Variants in ADARB2 observed in about 807,000 individuals in gnomAD.
ADARB2 encodes the protein inactive double-stranded RNA-specific editase B2.
A neutral mutation model predicts 62.2 loss-of-function variants in ADARB2; 25 were observed. The observed-to-expected ratio is 0.40, with a 90% CI of 0.29 to 0.56. The LOEUF is 0.56. Ranked by LOEUF, ADARB2 falls within the 20% of genes least tolerant of loss-of-function variation. The pLI, the probability that ADARB2 is intolerant of heterozygous loss-of-function variation, is 0.43. For synonymous variants in ADARB2, 572 were observed against 500.8 expected (o/e 1.14, Z -1.90); for missense variants, 1,071 against 1,077.4 (o/e 0.99, Z 0.08).
At chr10:1,208,620 G>T (rs1437279812) in intron 7 of ADARB2, among the ~76,000 whole-genome samples, 1 of 152,230 alleles carries the variant, frequency 6.6e-6, no homozygotes, top group Non-Finnish European at 1.5e-5. Flanking sequence ...TCCTCTCATG[G>T]CCTGGACCCC....
At chr10:1,500,646 A>G (rs933193413) in intron 1 of ADARB2, among the ~76,000 whole-genome samples, 1 of 152,234 alleles carries the variant, frequency 6.6e-6, no homozygotes, top group Non-Finnish European at 1.5e-5. Context: ...GGGCGATAAA[A>G]GAGAGGTAAA....
chr10:1,478,362 A>G (rs1831427497), intron 1 of ADARB2, among the ~76,000 whole-genome samples: 1 of 152,208 alleles, frequency 6.6e-6, no homozygotes, highest in African/African-American at 2.4e-5. Flanking sequence ...GGATATAAGT[A>G]GAGTCATGAG....
intron 1 of ADARB2, among the ~76,000 whole-genome samples, chr10:1,729,177 G>A (rs1352917584): frequency 6.6e-6 from 1 of 152,178 alleles, no homozygotes. Flanking sequence ...CTTTGTGTCT[G>A]TGGTTAAATT....
chr10:1,648,422 C>T (rs536579686), intron 1 of ADARB2, among the ~76,000 whole-genome samples: 1 of 152,190 alleles, frequency 6.6e-6, no homozygotes, highest in African/African-American at 2.4e-5. Context: ...GGAATGAACT[C>T]GAGCTGGCTC....
intron 1 of ADARB2, among the ~76,000 whole-genome samples, chr10:1,667,787 G>C (rs542659939): frequency 2.5e-4 from 38 of 152,278 alleles, no homozygotes; most frequent in African/African-American, 7.2e-4. Context: ...GAATGCAGTG[G>C]TAAAATTCTG....
chr10:1,511,355 A>G (rs957954146), intron 1 of ADARB2, among the ~76,000 whole-genome samples: 4 of 152,336 alleles, frequency 2.6e-5, no homozygotes, highest in Admixed American at 2.0e-4. Flanking sequence ...CTGGAATTCA[A>G]CAGTAAACAG....
chr10:1,470,499 A>G (rs1469965000), intron 1 of ADARB2, among the ~76,000 whole-genome samples: 1 of 152,218 alleles, frequency 6.6e-6, no homozygotes, highest in Admixed American at 6.5e-5. Flanking sequence ...AAAATTGGCA[A>G]CTCAAAACCA....
Position 1,737,160 on chromosome 10 carries a change from C to T in ADARB2, c.-10G>A. 1 of 1,604,556 alleles carries T rather than the reference C, an allele frequency of 6.2e-7. No homozygotes were observed. The highest frequency in any genetic ancestry group is 8.5e-7 in the Non-Finnish European group (1 of 1,179,778). ...CCAGGACCGAGGCCATGGCCGAGAC[C>T]CAGGCGCGGAGCCCAGAGCCGCCTC... On this transcript the variant is annotated 5_prime_UTR_variant, in exon 1 of 10. Transcript: ENST00000381312.
At chr10:1,645,776 C>CT (rs1834033031) in intron 1 of ADARB2, among the ~76,000 whole-genome samples, 1 of 141,298 alleles carries the variant, frequency 7.1e-6, no homozygotes, top group African/African-American at 2.5e-5. Flanking sequence ...TCTGCCTCTC[C>CT]TCCTGGAGTT....
At chr10:1,500,808 T>G (rs1025107633) in intron 1 of ADARB2, among the ~76,000 whole-genome samples, 5 of 152,232 alleles carry the variant, frequency 3.3e-5, no homozygotes, top group African/African-American at 1.2e-4. Flanking sequence ...ACACTTGTTC[T>G]GGAAAAGCAC....
rs267602405 is a variant in ADARB2, at chr10:1,233,812, G to T, written c.1395C>A (p.Phe465Leu). The T allele has an allele frequency of 6.3e-5, 101 of 1,613,900 alleles. No individual in the cohort carries two copies. Among genetic ancestry groups the T allele is most frequent in the Non-Finnish European group, 8.3e-5 (98 of 1,180,004 alleles). ...KRREDSERSI[F>L]VRLKEGGYRL... is the part of the protein sequence containing the mutation. ...GGTAGCCACCTTCTTTTAACCGCAC[G>T]AATATCGATCGCTCTGAGTCCTCGC... Residue 465 changes from phenylalanine to leucine, a missense_variant, in exon 6 of 10, where the codon TTC (phenylalanine) becomes TTA (leucine). Phe to Leu is a conservative substitution (Grantham distance 22). Transcript: ENST00000381312.
intron 1 of ADARB2, among the ~76,000 whole-genome samples, chr10:1,558,255 T>C (rs1442865739): frequency 4.9e-5 from 7 of 143,454 alleles, no homozygotes; most frequent in African/African-American, 1.8e-4. Context: ...AGACCCCGCA[T>C]GCTCCATCTA....
intron 1 of ADARB2, among the ~76,000 whole-genome samples, chr10:1,637,258 A>G (rs1175321113): frequency 6.6e-6 from 1 of 152,232 alleles, no homozygotes; most frequent in Non-Finnish European, 1.5e-5. Flanking sequence ...GTTTCCACAG[A>G]ATCCTTTAAA....
chr10:1,455,076 T>C (rs1385621658), intron 1 of ADARB2, among the ~76,000 whole-genome samples: 1 of 152,230 alleles, frequency 6.6e-6, no homozygotes, highest in African/African-American at 2.4e-5. Context: ...AAAGAGTGGA[T>C]ACCTTGTCAC....
In ADARB2 at chr10:1,216,992, C is replaced by T. The variant is rs765177523; in HGVS notation, c.1641G>A (p.Gly547=). 4.3e-6 allele frequency: 7 copies of T among 1,609,724 alleles called. No homozygotes were observed. In the East Asian group the frequency reaches 1.1e-4, roughly 26 times the overall value. Residue 547 remains glycine, a synonymous_variant, in exon 7 of 10, where the codon GGG becomes GGA. Coordinates refer to ENST00000381312, the MANE Select transcript of ADARB2 (RefSeq NM_018702.4). ...TGCAGGACATGGTGATCAGCTGCTC[C>T]CCCAGCAGGACGCCGTCCCAGGTCT... ...AVQTWDGVLL[G]EQLITMSCTD...
intron 1 of ADARB2, among the ~76,000 whole-genome samples, chr10:1,609,339 C>T (rs912916368): frequency 1.3e-5 from 2 of 152,228 alleles, no homozygotes; most frequent in Non-Finnish European, 2.9e-5. Flanking sequence ...CTGGTCACAG[C>T]GGGTTTGTCT....
At chr10:1,265,965 C>G (rs926997845) in intron 4 of ADARB2, among the ~76,000 whole-genome samples, 17 of 132,004 alleles carry the variant, frequency 1.3e-4, no homozygotes, top group Non-Finnish European at 4.9e-5. Flanking sequence ...GGCCCAGACT[C>G]TCCCGGAAGA....
chr10:1,253,040 C>T (rs1367452385), intron 4 of ADARB2, among the ~76,000 whole-genome samples: 1 of 152,212 alleles, frequency 6.6e-6, no homozygotes, highest in Admixed American at 6.5e-5. Flanking sequence ...TTAACAGGCT[C>T]TAGGGCACAG....
chr10:1,206,490 C>T (rs890587489), intron 7 of ADARB2, among the ~76,000 whole-genome samples: 1 of 151,520 alleles, frequency 6.6e-6, no homozygotes, highest in Non-Finnish European at 1.5e-5. Context: ...ACTGCGGGGT[C>T]TCCTCCTCGT....
Sources: gnomAD v4.1 joint callset for allele counts (sites outside exome capture counted in the v4.1 genomes callset) on GRCh38, gnomAD v4.1.1 for gene constraint, MANE v1.5 for transcripts, NCBI Gene and HGNC (gene_info 2026-07-23, HGNC 2026-07-21) for gene names.